Variants in ARMC2 observed in about 807,000 individuals in gnomAD.
ARMC2 encodes the protein armadillo repeat-containing protein 2.
ARMC2 carries 67 observed loss-of-function variants against 90.3 expected under a neutral mutation model. The ratio of observed to expected loss-of-function variants is 0.74; its 90% CI spans 0.61 to 0.91. The LOEUF is 0.91. Among genes scored for constraint, ARMC2 ranks in the 40% least tolerant of loss-of-function variants. The pLI is 0.00. For missense variants in ARMC2, 920 were observed against 1,030.9 expected, an observed-to-expected ratio of 0.89 and a Z score of 1.47; for synonymous variants, 393 against 393.0, an observed-to-expected ratio of 1.00 and a Z score of 0.00.
At chr6:109,022,271 T>C in the ARMC2 span, among the ~76,000 whole-genome samples, 4 of 152,124 alleles carry the variant, frequency 2.6e-5, no homozygotes, top group South Asian at 2.1e-4. Context: ...TGAATGCCAA[T>C]TGATGGACAG....
intron 12 of ARMC2, among the ~76,000 whole-genome samples, chr6:108,944,370 G>A (rs1000155533): frequency 1.3e-5 from 2 of 152,138 alleles, no homozygotes; most frequent in South Asian, 2.1e-4. Flanking sequence ...ACAAATTTTC[G>A]CTGCCAGACT....
intron 13 of ARMC2, among the ~76,000 whole-genome samples, chr6:108,953,693 A>G (rs1354360074): frequency 6.6e-6 from 1 of 152,246 alleles, no homozygotes; most frequent in Non-Finnish European, 1.5e-5. Context: ...AACCACAAAG[A>G]GTTTAAAATT....
chr6:108,974,385 TGTTC>T lies in ARMC2; in HGVS notation c.*872_*875del, dbSNP rs1778938934. 6.6e-6 allele frequency: 1 copy of T among 152,244 alleles called. No homozygotes were observed. Among genetic ancestry groups the T allele is most frequent in the African/African-American group, 2.4e-5 (1 of 41,468 alleles). The allele number at this position is 152,244 out of a possible 1,614,324, so 9.4% of individuals were successfully genotyped here. A position where few individuals can be genotyped will look rare whatever the true frequency, so the allele number is the denominator to read the frequency against. On this transcript the variant is annotated 3_prime_UTR_variant, in exon 18 of 18. Coordinates refer to ENST00000392644, the MANE Select transcript of ARMC2 (RefSeq NM_032131.6). ...AGTCCAGTGTATCATGTGGAGTGGG[TGTTC>T]AAGAACATTATGATGGCAAGCACTT... is the stretch of plus-strand genomic sequence containing the variant.
At chr6:108,924,602 A>G (rs1371430732) in intron 10 of ARMC2, among the ~76,000 whole-genome samples, 1 of 152,172 alleles carries the variant, frequency 6.6e-6, no homozygotes, top group African/African-American at 2.4e-5. Flanking sequence ...TGGCGTCATG[A>G]AGGGTTGAGG....
the ARMC2 span, among the ~76,000 whole-genome samples, chr6:108,986,106 A>G: frequency 6.6e-6 from 1 of 152,222 alleles, no homozygotes. Flanking sequence ...AGTTAAACTT[A>G]GAGCTATTTC....
At chr6:108,934,603 T>C (rs1189522144) in intron 11 of ARMC2, among the ~76,000 whole-genome samples, 1 of 152,172 alleles carries the variant, frequency 6.6e-6, no homozygotes, top group Non-Finnish European at 1.5e-5. Context: ...AAAAACTTGC[T>C]CAAAATGCTA....
At chr6:108,961,532 G>T in intron 13 of ARMC2, 40 bp from the exon 14 acceptor site, 2 of 1,552,906 alleles carry the variant, frequency 1.3e-6, no homozygotes, top group Non-Finnish European at 1.7e-6. Flanking sequence ...TTCTACTCCT[G>T]CAGTGGGTCT....
At chr6:108,861,971 G>A (rs1318771858) in intron 3 of ARMC2, among the ~76,000 whole-genome samples, 1 of 152,144 alleles carries the variant, frequency 6.6e-6, no homozygotes, top group African/African-American at 2.4e-5. Flanking sequence ...ATTGGGCTAA[G>A]ACAAGATAGG....
At chr6:109,046,885 G>A in the ARMC2 span, among the ~76,000 whole-genome samples, 3 of 125,102 alleles carry the variant, frequency 2.4e-5, no homozygotes, top group South Asian at 3.1e-4. Flanking sequence ...CCCTCCGTCC[G>A]GCAGCTGCCC....
chr6:108,914,133 C>G (rs1410171142), intron 10 of ARMC2, among the ~76,000 whole-genome samples: 1 of 152,062 alleles, frequency 6.6e-6, no homozygotes, highest in Non-Finnish European at 1.5e-5. Context: ...CTGTTTGCAT[C>G]AACTATATCA....
chr6:108,932,516 CTT>C (rs60000198), intron 11 of ARMC2, among the ~76,000 whole-genome samples: 288 of 77,858 alleles, frequency 3.7e-3, no homozygotes, highest in African/African-American at 9.4e-3. Flanking sequence ...TTCTCCATTG[CTT>C]TTTTTTTTTT....
At chr6:108,892,247 A>G (rs1436656543) in intron 5 of ARMC2, among the ~76,000 whole-genome samples, 3 of 152,042 alleles carry the variant, frequency 2.0e-5, no homozygotes, top group Non-Finnish European at 4.4e-5. Flanking sequence ...CAAACTTGGT[A>G]TTTTACCTTT....
intron 12 of ARMC2, among the ~76,000 whole-genome samples, chr6:108,944,767 G>C (rs550981848): frequency 6.6e-6 from 1 of 151,980 alleles, no homozygotes; most frequent in Non-Finnish European, 1.5e-5. Context: ...CCTCAGTGAA[G>C]TGGGCCTCCG....
chr6:108,941,290 C>G (rs1037430544), intron 12 of ARMC2, among the ~76,000 whole-genome samples: 3 of 152,166 alleles, frequency 2.0e-5, no homozygotes, highest in African/African-American at 7.2e-5. Flanking sequence ...CAGTCAATTT[C>G]TCCCTCATCA....
chr6:109,006,490 A>T, the ARMC2 span, among the ~76,000 whole-genome samples: 22 of 86,496 alleles, frequency 2.5e-4, no homozygotes, highest in African/African-American at 1.0e-3. Context: ...GATGTTCCCC[A>T]CCCTGTGTCC....
Position 108,951,531 on chromosome 6 carries a change from G to A in ARMC2, c.1597-1502G>A, listed in dbSNP as rs1008459029. ...CCTTAATGTTTGGCAAATGGTTTCCGGTTGTGCAAGCAGCAGCCTCGCTTC... is the reference window on the plus strand; with the variant it reads ...CCTTAATGTTTGGCAAATGGTTTCCAGTTGTGCAAGCAGCAGCCTCGCTTC... On this transcript the variant is annotated intron_variant, in intron 12 of 17. Coordinates refer to ENST00000392644, the MANE Select transcript of ARMC2 (RefSeq NM_032131.6). Among the ~76,000 whole-genome samples the A allele has an allele frequency of 5.9e-5, 9 of 152,200 alleles. 1 individual carries two copies. Among genetic ancestry groups the A allele is most frequent in the East Asian group, 1.9e-4 (1 of 5,198 alleles).
chr6:108,985,385 A>C, the ARMC2 span, among the ~76,000 whole-genome samples: 24 of 152,152 alleles, frequency 1.6e-4, no homozygotes, highest in Non-Finnish European at 2.5e-4. Flanking sequence ...GAAGGTTTTG[A>C]TATCCCCAGT....
rs370325755 is a variant in ARMC2, at chr6:108,854,480, C to T, written c.213C>T (p.Ser71=). ...SRTSENRPPS[S]FSLHASSFES... is the part of the protein sequence containing the mutation. ...CATCAGAAAATAGACCTCCTTCCTC[C>T]TTCAGGTATATGGCATTTCACATTC... The change falls in exon 2 of 18, where the codon TCC becomes TCT. Residue 71 remains serine (S), a synonymous_variant. Coordinates refer to ENST00000392644, the MANE Select transcript of ARMC2 (RefSeq NM_032131.6). 3.1e-5 allele frequency: 50 copies of T among 1,612,914 alleles called. No homozygotes were observed. In the Middle Eastern group the frequency reaches 8.2e-4, roughly 27 times the overall value.
the ARMC2 span, among the ~76,000 whole-genome samples, chr6:109,010,391 A>T: frequency 1.3e-5 from 2 of 152,206 alleles, no homozygotes; most frequent in Non-Finnish European, 2.9e-5. Context: ...CCTAAATTAG[A>T]TCTCTTTTTG....
Sources: allele counts gnomAD v4.1 joint callset (sites outside exome capture counted in the v4.1 genomes callset), GRCh38; gene constraint gnomAD v4.1.1; transcripts MANE v1.5; gene names NCBI Gene and HGNC (gene_info 2026-07-23, HGNC 2026-07-21).